The following RBFOX2 variants were observed in gnomAD, a reference collection of about 807,000 sequenced individuals.
RBFOX2 encodes RNA binding protein fox-1 homolog 2.
A neutral mutation model predicts 49.1 loss-of-function variants in RBFOX2; 10 were observed. That is an observed-to-expected ratio of 0.20 (90% CI 0.13 to 0.35). The LOEUF is 0.35. RBFOX2 is among the 10% of genes least tolerant of loss of function. The pLI, the probability that RBFOX2 is intolerant of heterozygous loss-of-function variation, is 1.00. For synonymous variants in RBFOX2, 183 were observed against 187.4 expected, an observed-to-expected ratio of 0.98 and a Z score of 0.19; for missense variants, 323 against 486.9, an observed-to-expected ratio of 0.66 and a Z score of 3.17.
At chr22:35,895,319 T>C (rs1382079367) in intron 1 of RBFOX2, among the ~76,000 whole-genome samples, 2 of 152,214 alleles carry the variant, frequency 1.3e-5, no homozygotes, top group East Asian at 3.9e-4. Context: ...AGATGAGTTC[T>C]TTAAACATGA....
At chr22:36,013,550 A>G (rs1569523279) in intron 1 of RBFOX2, among the ~76,000 whole-genome samples, 1 of 151,978 alleles carries the variant, frequency 6.6e-6, no homozygotes, top group African/African-American at 2.4e-5. Context: ...TACACCACCT[A>G]AGGTTTGTCT....
At chr22:35,884,654 T>A (rs1474730127) in intron 1 of RBFOX2, among the ~76,000 whole-genome samples, 1 of 152,142 alleles carries the variant, frequency 6.6e-6, no homozygotes, top group East Asian at 1.9e-4. Flanking sequence ...TGTAACCAAA[T>A]CTTAGAAGTG....
chr22:35,831,270 T>C (rs1036738003), intron 1 of RBFOX2, among the ~76,000 whole-genome samples: 2 of 152,072 alleles, frequency 1.3e-5, no homozygotes, highest in Non-Finnish European at 2.9e-5. Flanking sequence ...GGTGAAATCC[T>C]GTCTCTACTA....
chr22:35,829,023 C>A (rs963251026), intron 1 of RBFOX2, among the ~76,000 whole-genome samples: 6 of 152,166 alleles, frequency 3.9e-5, no homozygotes, highest in Non-Finnish European at 8.8e-5. Context: ...TGCACTCCAG[C>A]CTGGGCGACA....
chr22:35,948,723 TC>T (rs2054588724), intron 1 of RBFOX2, among the ~76,000 whole-genome samples: 1 of 152,046 alleles, frequency 6.6e-6, no homozygotes, highest in African/African-American at 2.4e-5. Flanking sequence ...AAAATAAAGT[TC>T]CCCGTTAATC....
chr22:35,967,028 C>T (rs1399173714), intron 1 of RBFOX2, among the ~76,000 whole-genome samples: 1 of 152,018 alleles, frequency 6.6e-6, no homozygotes, highest in Admixed American at 6.6e-5. Context: ...TATGTTGTTG[C>T]CCAGGCTGAT....
chr22:35,739,930 T>C (rs1929011150), exon 12 of RBFOX2: 1 of 152,674 alleles, frequency 6.5e-6, no homozygotes, highest in African/African-American at 2.4e-5. Context: ...AGCACTACCA[T>C]GGCTGAATTG....
At chr22:35,946,826 T>C (rs2054324581) in intron 1 of RBFOX2, among the ~76,000 whole-genome samples, 1 of 152,310 alleles carries the variant, frequency 6.6e-6, no homozygotes, top group East Asian at 1.9e-4. Flanking sequence ...TTTTGTGACA[T>C]ACACAGTCAA....
rs757147251 is a variant in RBFOX2, at chr22:35,756,079, G to A, written c.887+3809C>T. ...GGCTGGCTTGTCAGGGGATGGGGTC[G>A]AGAAGGCCCCAGTGTGTGTACTTAC... On this transcript the variant is annotated intron_variant, in intron 9 of 11. Transcript: ENST00000405409. The A allele has an allele frequency of 1.1e-5, 15 of 1,338,006 alleles. No homozygotes were observed. In the African/African-American group the frequency reaches 1.2e-4, roughly 11 times the overall value. The allele number at this position is 1,338,006 out of a possible 1,614,324, so 82.9% of individuals were successfully genotyped here.
chr22:35,951,210 TC>T (rs1354909800), intron 1 of RBFOX2, among the ~76,000 whole-genome samples: 1 of 147,312 alleles, frequency 6.8e-6, no homozygotes, highest in Non-Finnish European at 1.5e-5. Flanking sequence ...TGCCTTGGCC[TC>T]CCAAAGTGCT....
intron 1 of RBFOX2, among the ~76,000 whole-genome samples, chr22:35,923,297 G>A (rs1335277558): frequency 6.6e-6 from 1 of 152,108 alleles, no homozygotes; most frequent in Non-Finnish European, 1.5e-5. Flanking sequence ...AGTCAGCAGA[G>A]CCTTATGGGG....
At chr22:36,000,938 A>T (rs1267288611) in intron 1 of RBFOX2, among the ~76,000 whole-genome samples, 1 of 152,198 alleles carries the variant, frequency 6.6e-6, no homozygotes, top group Non-Finnish European at 1.5e-5. Flanking sequence ...ATCTTGATCT[A>T]ACCCTTTCAG....
intron 1 of RBFOX2, among the ~76,000 whole-genome samples, chr22:35,861,627 C>T (rs968099913): frequency 6.6e-6 from 1 of 152,072 alleles, no homozygotes; most frequent in Non-Finnish European, 1.5e-5. Flanking sequence ...TAAAAGACTT[C>T]GACAATACCA....
At position 35,899,380 on chromosome 22, in the gene RBFOX2, A is replaced by T. The variant is rs17803504; in HGVS notation, c.-34+39467T>A. Among the ~76,000 whole-genome samples the T allele has an allele frequency of 7.1e-3, 1,074 of 152,114 alleles. 3 individuals are homozygous for T. Among genetic ancestry groups the T allele is most frequent in the Middle Eastern group, 0.014 (4 of 294 alleles). On this transcript the variant is annotated intron_variant, in intron 1 of 13. Transcript: ENST00000359369. ...CAGGAAGGGCTTGTAAATTCCTATTATAAATGCATCTATTTCTTTTCTGAT... is the reference window on the plus strand; with the variant it reads ...CAGGAAGGGCTTGTAAATTCCTATTTTAAATGCATCTATTTCTTTTCTGAT...
In RBFOX2 at chr22:35,928,751, TA is replaced by T. The variant is rs550655037; in HGVS notation, c.-34+10095del. Among the ~76,000 whole-genome samples the T allele has an allele frequency of 7.4e-4, 113 of 152,054 alleles. 1 individual carries two copies. The highest frequency in any genetic ancestry group is 1.2e-3 in the Admixed American group (19 of 15,286). On this transcript the variant is annotated intron_variant, in intron 1 of 13. Coordinates refer to the RBFOX2 transcript ENST00000359369. ...TATATAAAGACTTCTTACAACTCAATAAGAAGAAAAACCAAATAAAAAGTGG... is the reference window on the plus strand; with the variant it reads ...TATATAAAGACTTCTTACAACTCAATAGAAGAAAAACCAAATAAAAAGTGG...
chr22:35,816,784 G>A (rs564795499), intron 1 of RBFOX2, among the ~76,000 whole-genome samples: 7 of 152,024 alleles, frequency 4.6e-5, no homozygotes, highest in African/African-American at 7.2e-5. Flanking sequence ...GTCTAATTTC[G>A]GGTAAGGAGT....
chr22:35,909,266 T>A (rs1360815853), intron 1 of RBFOX2, among the ~76,000 whole-genome samples: 3 of 152,130 alleles, frequency 2.0e-5, no homozygotes, highest in Non-Finnish European at 4.4e-5. Flanking sequence ...GAGACCAGCC[T>A]AAGCCACATA....
upstream of RBFOX2, among the ~76,000 whole-genome samples, chr22:35,939,738 G>C (rs1380876458): frequency 6.6e-6 from 1 of 152,000 alleles, no homozygotes; most frequent in Non-Finnish European, 1.5e-5. Context: ...TTTAGTATAA[G>C]GTCATATAAC....
chr22:35,817,964 A>G (rs1953532389), intron 1 of RBFOX2, among the ~76,000 whole-genome samples: 1 of 151,192 alleles, frequency 6.6e-6, no homozygotes, highest in Non-Finnish European at 1.5e-5. Context: ...ACACACACAC[A>G]CACACACACA....
Sources: gnomAD v4.1 joint callset for allele counts (sites outside exome capture counted in the v4.1 genomes callset) on GRCh38, gnomAD v4.1.1 for gene constraint, MANE v1.5 for transcripts, NCBI Gene and HGNC (gene_info 2026-07-23, HGNC 2026-07-21) for gene names.